The following PTPRG variants were observed in gnomAD, a reference collection of about 807,000 sequenced individuals.
The protein encoded by PTPRG is protein tyrosine phosphatase receptor type G, also known as receptor-type tyrosine-protein phosphatase gamma.
In PTPRG, 102 loss-of-function variants were observed where a neutral mutation model predicts 165.3. That is an observed-to-expected ratio of 0.62 (90% confidence interval 0.53 to 0.73). PTPRG has a LOEUF of 0.73. Ranked by LOEUF, PTPRG falls within the 30% of genes least tolerant of loss-of-function variation. The pLI is 0.00. For synonymous variants in PTPRG, 675 were observed against 669.5 expected (o/e 1.01, Z -0.13); for missense variants, 1,866 against 1,861.4 (o/e 1.00, Z -0.05).
chr3:62,022,138 A>G (rs1212540227), intron 4 of PTPRG, among the ~76,000 whole-genome samples: 1 of 152,188 alleles, frequency 6.6e-6, no homozygotes, highest in African/African-American at 2.4e-5. Context: ...ATTCCGCCAG[A>G]ATCCTATGGG....
chr3:62,184,139 C>T (rs1053119991), intron 8 of PTPRG, among the ~76,000 whole-genome samples: 3 of 152,254 alleles, frequency 2.0e-5, no homozygotes, highest in South Asian at 2.1e-4. Context: ...GCCCAGCTCT[C>T]GGATTCGGTT....
intron 1 of PTPRG, among the ~76,000 whole-genome samples, chr3:61,569,465 T>C (rs923122173): frequency 1.3e-5 from 2 of 152,218 alleles, no homozygotes; most frequent in African/African-American, 4.8e-5. Flanking sequence ...AATAACCATT[T>C]TTTTAAATCA....
intron 6 of PTPRG, among the ~76,000 whole-genome samples, chr3:62,137,614 C>T (rs1223165387): frequency 6.6e-6 from 1 of 152,114 alleles, no homozygotes; most frequent in African/African-American, 2.4e-5. Flanking sequence ...CGCCAGGATT[C>T]AGAAAGCTGT....
intron 2 of PTPRG, among the ~76,000 whole-genome samples, chr3:61,894,653 T>G (rs4624555): frequency 6.6e-6 from 1 of 151,788 alleles, no homozygotes; most frequent in Non-Finnish European, 1.5e-5. Context: ...ATATTAGATA[T>G]TAAGTGTCAA....
chr3:62,004,457 G>A (rs2041246163), intron 4 of PTPRG, among the ~76,000 whole-genome samples: 1 of 152,216 alleles, frequency 6.6e-6, no homozygotes, highest in African/African-American at 2.4e-5. Flanking sequence ...TCAAAGGGCT[G>A]AAGTTCACCA....
chr3:62,026,004 G>A (rs998759011), intron 4 of PTPRG, among the ~76,000 whole-genome samples: 2 of 152,192 alleles, frequency 1.3e-5, no homozygotes, highest in South Asian at 4.1e-4. Context: ...TCAATAAAGG[G>A]TATGTTATTA....
Position 62,120,063 on chromosome 3 carries a change from G to T in PTPRG, c.616-12539G>T, listed in dbSNP as rs146075991. On this transcript the variant is annotated intron_variant, in intron 5 of 29. Transcript: ENST00000474889. Reference sequence around the variant, plus strand: ...CTCAGGTCAATCAGAATAGTGTTTTGTCATTGTTGTAGTCTACTTTTGTTT... The same window carrying T: ...CTCAGGTCAATCAGAATAGTGTTTTTTCATTGTTGTAGTCTACTTTTGTTT... Among the ~76,000 whole-genome samples the T allele has an allele frequency of 5.9e-5, 9 of 152,200 alleles. No individual in the cohort carries two copies. The East Asian group carries it at 1.7e-3, about 29-fold the overall frequency.
At chr3:61,942,055 A>T (rs1056697404) in intron 2 of PTPRG, among the ~76,000 whole-genome samples, 1 of 151,296 alleles carries the variant, frequency 6.6e-6, no homozygotes, top group Non-Finnish European at 1.5e-5. Context: ...GGTACTTGGG[A>T]GGCTGAGATA....
intron 13 of PTPRG, among the ~76,000 whole-genome samples, chr3:62,226,974 TC>T (rs757102487): frequency 6.6e-6 from 1 of 152,184 alleles, no homozygotes; most frequent in African/African-American, 2.4e-5. Flanking sequence ...TTTTTTTTCT[TC>T]CCTGGATGTT....
intron 1 of PTPRG, among the ~76,000 whole-genome samples, chr3:61,736,601 T>C (rs2032733765): frequency 6.6e-6 from 1 of 152,092 alleles, no homozygotes; most frequent in Non-Finnish European, 1.5e-5. Flanking sequence ...TAAATATAAA[T>C]AGATGAGTTG....
chr3:61,910,981 C>T (rs2038788601), intron 2 of PTPRG, among the ~76,000 whole-genome samples: 1 of 152,206 alleles, frequency 6.6e-6, no homozygotes, highest in Non-Finnish European at 1.5e-5. Context: ...ATTCTTCCAG[C>T]ACCTTCTCTG....
At chr3:61,934,876 A>T (rs976085277) in intron 2 of PTPRG, among the ~76,000 whole-genome samples, 1 of 152,208 alleles carries the variant, frequency 6.6e-6, no homozygotes, top group Non-Finnish European at 1.5e-5. Flanking sequence ...GTTGTGTATC[A>T]TGCCCCTGGT....
intron 2 of PTPRG, among the ~76,000 whole-genome samples, chr3:61,866,697 C>A (rs922739174): frequency 2.8e-5 from 4 of 141,394 alleles, no homozygotes; most frequent in African/African-American, 1.0e-4. Flanking sequence ...CTCCCTAGTT[C>A]AAGCGATTCT....
intron 8 of PTPRG, among the ~76,000 whole-genome samples, chr3:62,177,959 T>C (rs1349449307): frequency 6.6e-6 from 1 of 151,878 alleles, no homozygotes; most frequent in Non-Finnish European, 1.5e-5. Context: ...GGTGAGACTT[T>C]TCCTTTTCTC....
intron 1 of PTPRG, among the ~76,000 whole-genome samples, chr3:61,671,868 C>T (rs546857839): frequency 1.5e-4 from 22 of 144,396 alleles, no homozygotes; most frequent in Admixed American, 5.5e-4. Context: ...CCTCACCTCC[C>T]GGACTGGGCG....
chr3:61,803,266 T>C (rs2035301281), intron 2 of PTPRG, among the ~76,000 whole-genome samples: 1 of 152,240 alleles, frequency 6.6e-6, no homozygotes. Context: ...GTTTATTTTA[T>C]TCAACCCATT....
intron 2 of PTPRG, among the ~76,000 whole-genome samples, chr3:61,940,840 A>G (rs2039606038): frequency 6.6e-6 from 1 of 151,624 alleles, no homozygotes; most frequent in Non-Finnish European, 1.5e-5. Context: ...ATTTTTTTGT[A>G]TTTTTAGTAG....
At chr3:62,026,012 T>C (rs2041795658) in intron 4 of PTPRG, among the ~76,000 whole-genome samples, 1 of 152,230 alleles carries the variant, frequency 6.6e-6, no homozygotes, top group Non-Finnish European at 1.5e-5. Context: ...GGGTATGTTA[T>C]TAAAGAGAAA....
At chr3:61,814,300 A>G (rs916481995) in intron 2 of PTPRG, among the ~76,000 whole-genome samples, 3 of 152,072 alleles carry the variant, frequency 2.0e-5, no homozygotes, top group Non-Finnish European at 2.9e-5. Context: ...TTTGAACCAG[A>G]CCCTCTCGCT....
Sources: allele counts gnomAD v4.1 joint callset (sites outside exome capture counted in the v4.1 genomes callset), GRCh38; gene constraint gnomAD v4.1.1; transcripts MANE v1.5; gene names NCBI Gene and HGNC (gene_info 2026-07-23, HGNC 2026-07-21).